The following ADAM2 variants were observed in gnomAD, a reference collection of about 807,000 sequenced individuals.
ADAM2 encodes the protein disintegrin and metalloproteinase domain-containing protein 2.
ADAM2 carries 101 observed loss-of-function variants against 99.3 expected under a neutral mutation model. The observed-to-expected ratio is 1.02, with a 90% confidence interval of 0.87 to 1.20. The LOEUF (loss-of-function observed/expected upper bound fraction) is 1.20, where lower values mean the gene tolerates loss of function less well. Ranked by LOEUF, ADAM2 falls within the 50% of genes most tolerant of loss-of-function variation. The pLI is 0.00. For missense variants in ADAM2, 948 were observed against 878.7 expected (o/e 1.08, Z -1.00); for synonymous variants, 323 against 287.6 (o/e 1.12, Z -1.25).
chr8:39,790,649 C>A (rs1803671404), intron 7 of ADAM2, among the ~76,000 whole-genome samples: 1 of 151,788 alleles, frequency 6.6e-6, no homozygotes, highest in South Asian at 2.1e-4. Context: ...ATACTAAAAA[C>A]CATGGAATTT....
At chr8:39,783,916 G>A (rs1803341405) in intron 10 of ADAM2, among the ~76,000 whole-genome samples, 1 of 151,604 alleles carries the variant, frequency 6.6e-6, no homozygotes, top group African/African-American at 2.4e-5. Context: ...CCCCATTCCA[G>A]CCTGGGTGAC....
chr8:39,748,854 C>A (rs1823582844), intron 18 of ADAM2, among the ~76,000 whole-genome samples: 1 of 152,116 alleles, frequency 6.6e-6, no homozygotes, highest in Non-Finnish European at 1.5e-5. Context: ...TGGACAGTTA[C>A]TCTCCCTGTG....
In ADAM2 at chr8:39,799,176, G is replaced by A. The variant is rs150417587; in HGVS notation, c.570+10234C>T. Among the ~76,000 whole-genome samples the A allele has an allele frequency of 5.0e-3, 765 of 152,192 alleles. 3 individuals are homozygous for A. The highest frequency in any genetic ancestry group is 0.011 in the African/African-American group (437 of 41,542). On this transcript the variant is annotated intron_variant, in intron 7 of 20. Transcript: ENST00000265708. ...TCTAGCTTTCCAACATGGGCATTTC[G>A]TGCTATAAATTTCCCTTTTAACACA... is the stretch of plus-strand genomic sequence containing the variant.
At chr8:39,826,745 C>T (rs1340118761) in intron 3 of ADAM2, among the ~76,000 whole-genome samples, 1 of 150,582 alleles carries the variant, frequency 6.6e-6, no homozygotes, top group Non-Finnish European at 1.5e-5. Flanking sequence ...AAAAAAAACT[C>T]AAAATGGATT....
chr8:39,808,342 A>G (rs1804535329), intron 7 of ADAM2, among the ~76,000 whole-genome samples: 2 of 152,140 alleles, frequency 1.3e-5, no homozygotes, highest in African/African-American at 2.4e-5. Context: ...TAGAAACAAG[A>G]TTAGGAAATA....
intron 11 of ADAM2, among the ~76,000 whole-genome samples, chr8:39,775,140 AAAGTGGCTG>A (rs1168518378): frequency 3.9e-5 from 6 of 152,178 alleles, no homozygotes; most frequent in Admixed American, 3.9e-4. Context: ...GTGTTTCACT[AAAGTGGCTG>A]AAGTTTGCTC....
rs1442091519 is a variant in ADAM2, at chr8:39,791,547, C to T, written c.571-2807G>A. Among the ~76,000 whole-genome samples, 3 of 152,032 alleles carry T rather than the reference C, an allele frequency of 2.0e-5. No homozygotes were observed. The East Asian group carries it at 5.8e-4, about 29-fold the overall frequency. ...GGTATGCAGATGAGGTGACTGCTGG[C>T]TCCTTTAGACTTCTCTGCCTTCCTC... is the stretch of plus-strand genomic sequence containing the variant. On this transcript the variant is annotated intron_variant, in intron 7 of 20. Transcript: ENST00000265708.
At chr8:39,798,083 G>A (rs1804044526) in intron 7 of ADAM2, among the ~76,000 whole-genome samples, 1 of 152,230 alleles carries the variant, frequency 6.6e-6, no homozygotes, top group African/African-American at 2.4e-5. Flanking sequence ...ATGTTGAATA[G>A]GAGTAGTAAG....
rs1334494316 is a variant in ADAM2 at position 39,743,754 on chromosome 8, T to G, written c.*341A>C. ...TTGCAATTTGAAATGTAACAGTGGC[T>G]TTTAATCATAGTACCACCTCATTAC... is the stretch of plus-strand genomic sequence containing the variant. On this transcript the variant is annotated 3_prime_UTR_variant, in exon 21 of 21. Coordinates refer to ENST00000265708, the MANE Select transcript of ADAM2 (RefSeq NM_001464.5). 1 of 152,130 alleles carries G rather than the reference T, an allele frequency of 6.6e-6. No individual in the cohort carries two copies. Among genetic ancestry groups the G allele is most frequent in the African/African-American group, 2.4e-5 (1 of 41,430 alleles). 9.4% of individuals were successfully genotyped at this position (152,130 alleles called of 1,614,324 possible). A position where few individuals can be genotyped will look rare whatever the true frequency, so the allele number is the denominator to read the frequency against.
chr8:39,819,216 A>G (rs1805073563), intron 6 of ADAM2, among the ~76,000 whole-genome samples: 1 of 152,080 alleles, frequency 6.6e-6, no homozygotes, highest in Non-Finnish European at 1.5e-5. Flanking sequence ...AAGTCTGGTA[A>G]TAATACTTAA....
At chr8:39,821,315 A>G (rs1805178904) in intron 5 of ADAM2, 145 bp from the exon 6 acceptor site, 1 of 652,384 alleles carries the variant, frequency 1.5e-6, no homozygotes, top group Non-Finnish European at 2.5e-6. Flanking sequence ...GTTACTGGGT[A>G]TCCACAAACT....
At chr8:39,815,612 T>G (rs1456587770) in intron 6 of ADAM2, among the ~76,000 whole-genome samples, 1 of 152,184 alleles carries the variant, frequency 6.6e-6, no homozygotes, top group Non-Finnish European at 1.5e-5. Context: ...GGCAAGCACT[T>G]CCTGGTAGAA....
chr8:39,833,899 A>G (rs1324508547), intron 3 of ADAM2, 45 bp downstream of exon 3: 4 of 1,053,872 alleles, frequency 3.8e-6, no homozygotes, highest in Middle Eastern at 2.1e-4. Flanking sequence ...AGCAAAAATT[A>G]TAAGTAGAAC....
At chr8:39,755,688 A>G (rs879743494) in intron 16 of ADAM2, 40 bp downstream of exon 16, 1 of 1,519,436 alleles carries the variant, frequency 6.6e-7, no homozygotes, top group Admixed American at 1.8e-5. Context: ...GGCAAAGTCT[A>G]AAATATTAGG....
intron 6 of ADAM2, among the ~76,000 whole-genome samples, chr8:39,814,965 G>T (rs1285368240): frequency 6.6e-6 from 1 of 151,914 alleles, no homozygotes; most frequent in East Asian, 1.9e-4. Flanking sequence ...GAAAGAATGA[G>T]AAGCAAGAGA....
intron 10 of ADAM2, among the ~76,000 whole-genome samples, chr8:39,779,434 A>G (rs1021353743): frequency 2.4e-4 from 37 of 152,200 alleles, no homozygotes; most frequent in Admixed American, 1.6e-3. Context: ...ATATAGTCAC[A>G]TTGGAGGTTA....
chr8:39,825,056 C>T (rs148098957), intron 3 of ADAM2, among the ~76,000 whole-genome samples, 159 bp from the exon 4 acceptor site: 1 of 152,258 alleles, frequency 6.6e-6, no homozygotes, highest in Non-Finnish European at 1.5e-5. Context: ...TTTACTCAAA[C>T]ATCTTACACT....
chr8:39,761,580 C>T (rs1364201673), intron 14 of ADAM2, among the ~76,000 whole-genome samples: 2 of 152,114 alleles, frequency 1.3e-5, no homozygotes, highest in East Asian at 1.9e-4. Flanking sequence ...TCTATTAGTA[C>T]GTAGGAAACT....
intron 7 of ADAM2, among the ~76,000 whole-genome samples, chr8:39,806,765 T>C (rs1249936994): frequency 3.3e-5 from 5 of 152,212 alleles, no homozygotes; most frequent in African/African-American, 4.8e-5. Flanking sequence ...CCTATCTTTG[T>C]TGCAAAGATT....
Sources: allele counts gnomAD v4.1 joint callset (sites outside exome capture counted in the v4.1 genomes callset), GRCh38; gene constraint gnomAD v4.1.1; transcripts MANE v1.5; gene names NCBI Gene and HGNC (gene_info 2026-07-23, HGNC 2026-07-21).